Variants in SH3BGRL2 observed in about 807,000 individuals in gnomAD.
SH3BGRL2 encodes SH3 domain-binding glutamic acid-rich-like protein 2.
SH3BGRL2 carries 21 observed loss-of-function variants against 14.8 expected under a neutral mutation model. That is an observed-to-expected ratio of 1.42 (90% CI 1.01 to 2.05). The LOEUF is 2.05. Ranked by LOEUF, SH3BGRL2 falls within the 30% of genes most tolerant of loss-of-function variation. The pLI is 0.00. For synonymous variants in SH3BGRL2, 50 were observed against 47.8 expected, an observed-to-expected ratio of 1.05 and a Z score of -0.19; for missense variants, 147 against 130.8, an observed-to-expected ratio of 1.12 and a Z score of -0.61.
intron 1 of SH3BGRL2, among the ~76,000 whole-genome samples, chr6:79,640,315 G>A (rs566629458): frequency 6.6e-6 from 1 of 152,250 alleles, no homozygotes; most frequent in South Asian, 2.1e-4. Context: ...GGTTAGTATT[G>A]CTATCTCTTT....
chr6:79,547,824 G>T, the SH3BGRL2 span, among the ~76,000 whole-genome samples: 1 of 152,090 alleles, frequency 6.6e-6, no homozygotes, highest in Admixed American at 6.5e-5. Context: ...CTACTAAGCT[G>T]AGACTACTCA....
the SH3BGRL2 span, among the ~76,000 whole-genome samples, chr6:79,592,517 G>T: frequency 6.6e-6 from 1 of 152,172 alleles, no homozygotes; most frequent in African/African-American, 2.4e-5. Flanking sequence ...AAAGTTAAAT[G>T]GAATCTTGAA....
At chr6:79,590,465 G>A in the SH3BGRL2 span, among the ~76,000 whole-genome samples, 10 of 46,204 alleles carry the variant, frequency 2.2e-4, no homozygotes, top group African/African-American at 2.8e-4. Context: ...ATATATATAT[G>A]CGCCATGGAA....
At chr6:79,680,176 CT>C (rs1162633071) in intron 2 of SH3BGRL2, among the ~76,000 whole-genome samples, 1 of 152,174 alleles carries the variant, frequency 6.6e-6, no homozygotes, top group Non-Finnish European at 1.5e-5. Context: ...TGTCATGGAG[CT>C]TTTCCCCTGT....
chr6:79,683,228 A>G (rs964356731), intron 2 of SH3BGRL2, among the ~76,000 whole-genome samples: 5 of 152,280 alleles, frequency 3.3e-5, no homozygotes, highest in African/African-American at 1.2e-4. Context: ...ATTATAGGGC[A>G]AGATGTCTCA....
chr6:79,572,553 C>T, the SH3BGRL2 span, among the ~76,000 whole-genome samples: 1 of 152,144 alleles, frequency 6.6e-6, no homozygotes, highest in African/African-American at 2.4e-5. Context: ...GCAAGCTCTG[C>T]TTGCCGGGTT....
chr6:79,569,171 A>G, the SH3BGRL2 span, among the ~76,000 whole-genome samples: 1 of 152,194 alleles, frequency 6.6e-6, no homozygotes, highest in Admixed American at 6.5e-5. Flanking sequence ...CTTGGGGTGG[A>G]TAGTTCAAGG....
intron 2 of SH3BGRL2, among the ~76,000 whole-genome samples, chr6:79,676,443 G>A (rs926319456): frequency 6.6e-6 from 1 of 151,970 alleles, no homozygotes; most frequent in Non-Finnish European, 1.5e-5. Context: ...CCTGACCTTT[G>A]ATGGAGCCCT....
chr6:79,560,134 T>C, the SH3BGRL2 span, among the ~76,000 whole-genome samples: 6 of 152,074 alleles, frequency 3.9e-5, no homozygotes, highest in Admixed American at 2.6e-4. Flanking sequence ...TCTGGGAAAC[T>C]GAGGGGACCA....
At chr6:79,689,178 G>A (rs1184191564) in intron 2 of SH3BGRL2, among the ~76,000 whole-genome samples, 1 of 151,396 alleles carries the variant, frequency 6.6e-6, no homozygotes, top group Non-Finnish European at 1.5e-5. Flanking sequence ...TCTTTTTCAA[G>A]CTAATTACCA....
the SH3BGRL2 span, among the ~76,000 whole-genome samples, chr6:79,573,067 C>T: frequency 6.6e-6 from 1 of 152,258 alleles, no homozygotes; most frequent in South Asian, 2.1e-4. Flanking sequence ...ATATCAAAAT[C>T]TTTCCCAACT....
chr6:79,611,327 T>C, the SH3BGRL2 span, among the ~76,000 whole-genome samples: 37 of 152,268 alleles, frequency 2.4e-4, no homozygotes, highest in Non-Finnish European at 4.4e-4. Context: ...ATTTTTGTTA[T>C]TAATGACAGG....
intron 1 of SH3BGRL2, among the ~76,000 whole-genome samples, chr6:79,649,403 G>A (rs1380747489): frequency 6.6e-6 from 1 of 152,144 alleles, no homozygotes; most frequent in Non-Finnish European, 1.5e-5. Context: ...CTAAATAGAA[G>A]TAGTTTAAAA....
chr6:79,565,340 T>G, the SH3BGRL2 span, among the ~76,000 whole-genome samples: 1 of 152,202 alleles, frequency 6.6e-6, no homozygotes, highest in Non-Finnish European at 1.5e-5. Context: ...TACTGCATTT[T>G]ATTTAATTTT....
intron 1 of SH3BGRL2, among the ~76,000 whole-genome samples, chr6:79,651,096 C>A (rs1331839847): frequency 1.3e-5 from 2 of 151,990 alleles, no homozygotes; most frequent in African/African-American, 4.8e-5. Flanking sequence ...GAAATGAGAA[C>A]AACATATTAC....
the SH3BGRL2 span, among the ~76,000 whole-genome samples, chr6:79,562,831 A>G: frequency 6.6e-6 from 1 of 152,146 alleles, no homozygotes; most frequent in East Asian, 1.9e-4. Flanking sequence ...AAAACTAGCA[A>G]AAAAAAACTC....
chr6:79,610,386 G>A, the SH3BGRL2 span, among the ~76,000 whole-genome samples: 119 of 152,182 alleles, frequency 7.8e-4, 2 homozygotes, highest in Admixed American at 6.5e-4. Flanking sequence ...TCATGCTTTC[G>A]GCTTGGAAAG....
the SH3BGRL2 span, among the ~76,000 whole-genome samples, chr6:79,597,642 CT>C: frequency 6.6e-6 from 1 of 152,146 alleles, no homozygotes; most frequent in Non-Finnish European, 1.5e-5. Flanking sequence ...AACCTGAGAG[CT>C]GAAATTATAA....
chr6:79,699,775 G>A lies in SH3BGRL2; in HGVS notation c.*266G>A. 2.4e-6 allele frequency: 1 copy of A among 422,946 alleles called. No homozygotes were observed. Among genetic ancestry groups the A allele is most frequent in the Non-Finnish European group, 4.1e-6 (1 of 242,812 alleles). 26.2% of individuals were successfully genotyped at this position (422,946 alleles called of 1,614,324 possible). ...CTGGAAATACCGTCACCTGTTACAG[G>A]TGTACTTTCTTAATGACTGAAAGAT... On this transcript the variant is annotated 3_prime_UTR_variant, in exon 4 of 4. Coordinates refer to ENST00000369838, the MANE Select transcript of SH3BGRL2 (RefSeq NM_031469.4).
Sources: allele counts gnomAD v4.1 joint callset (sites outside exome capture counted in the v4.1 genomes callset), GRCh38; gene constraint gnomAD v4.1.1; transcripts MANE v1.5; gene names NCBI Gene and HGNC (gene_info 2026-07-23, HGNC 2026-07-21).